Variants in SERPINA6 observed in about 807,000 individuals in gnomAD.
SERPINA6 encodes the protein corticosteroid-binding globulin.
SERPINA6 carries 19 observed loss-of-function variants against 26.4 expected under a neutral mutation model. That is an observed-to-expected ratio of 0.72 (90% confidence interval 0.50 to 1.06). The LOEUF is 1.06. Ranked by LOEUF, SERPINA6 falls within the 50% of genes least tolerant of loss-of-function variation. The pLI is 0.00. For missense variants in SERPINA6, 473 were observed against 504.0 expected (o/e 0.94, Z 0.59); for synonymous variants, 196 against 199.4 (o/e 0.98, Z 0.14).
At chr14:94,309,167 C>T (rs938567096) in intron 3 of SERPINA6, among the ~76,000 whole-genome samples, 4 of 152,228 alleles carry the variant, frequency 2.6e-5, no homozygotes, top group Admixed American at 2.6e-4. Context: ...ATATGCAGCC[C>T]TTGCTTTCTT....
At chr14:94,311,012 T>C (rs889869701) in intron 2 of SERPINA6, among the ~76,000 whole-genome samples, 8 of 152,244 alleles carry the variant, frequency 5.3e-5, no homozygotes, top group Admixed American at 3.3e-4. Flanking sequence ...GTGGGATCTA[T>C]GGATTGCTCA....
intron 3 of SERPINA6, among the ~76,000 whole-genome samples, chr14:94,306,764 C>G (rs75363461): frequency 3.9e-5 from 6 of 152,350 alleles, no homozygotes; most frequent in Non-Finnish European, 8.8e-5. Context: ...GAATCTGATT[C>G]AGCTGGCAGT....
chr14:94,305,949 T>C, intron 4 of SERPINA6, 122 bp downstream of exon 4: 1 of 1,095,644 alleles, frequency 9.1e-7, no homozygotes, highest in Non-Finnish European at 1.4e-6. Context: ...TGACTCAACC[T>C]GGGGTTCTCA....
At chr14:94,316,291 A>G (rs1338168486) in intron 1 of SERPINA6, among the ~76,000 whole-genome samples, 1 of 152,206 alleles carries the variant, frequency 6.6e-6, no homozygotes, top group Non-Finnish European at 1.5e-5. Flanking sequence ...CATAGGGTCT[A>G]TCTTGGAGAA....
intron 2 of SERPINA6, among the ~76,000 whole-genome samples, chr14:94,313,621 A>C (rs2139722116): frequency 6.6e-6 from 1 of 152,338 alleles, no homozygotes; most frequent in Middle Eastern, 3.4e-3. Flanking sequence ...AAACTGAAGC[A>C]GGACCTGGTC....
In SERPINA6 at chr14:94,306,210, T is replaced by G; in HGVS notation, c.893A>C (p.Asp298Ala). 1 of 1,614,126 alleles carries G rather than the reference T, an allele frequency of 6.2e-7. No individual in the cohort carries two copies. Reference sequence around the variant, plus strand: ...GATGGTGACCTTTGGAATGTACAGGTCCACCTGGCTGCTCGGGGTAAGCAG... The same window carrying G: ...GATGGTGACCTTTGGAATGTACAGGGCCACCTGGCTGCTCGGGGTAAGCAG... ...WSAGLTSSQVDLYIPKVTISG... is the reference protein window; with the variant it reads ...WSAGLTSSQVALYIPKVTISG... Residue 298 changes from aspartate (D) to alanine (A), a missense_variant, in exon 4 of 5, where the codon GAC becomes GCC. Transcript: ENST00000341584.
chr14:94,314,787 G>T (rs543766867), intron 1 of SERPINA6, 120 bp from the exon 2 acceptor site: 21 of 902,504 alleles, frequency 2.3e-5, no homozygotes, highest in Non-Finnish European at 3.7e-5. Context: ...CACACTGGCT[G>T]TGTGACCTGG....
At chr14:94,305,509 C>A (rs374746808) in intron 4 of SERPINA6, among the ~76,000 whole-genome samples, 9 of 152,164 alleles carry the variant, frequency 5.9e-5, no homozygotes, top group African/African-American at 2.2e-4. Context: ...GCACATATTA[C>A]GTGCCAGGTA....
At chr14:94,316,299 G>A (rs1175410398) in intron 1 of SERPINA6, among the ~76,000 whole-genome samples, 4 of 152,288 alleles carry the variant, frequency 2.6e-5, no homozygotes, top group South Asian at 2.1e-4. Flanking sequence ...CTATCTTGGA[G>A]AATGTCCTAT....
intron 1 of SERPINA6, among the ~76,000 whole-genome samples, chr14:94,321,985 T>C (rs749454780): frequency 1.4e-4 from 22 of 152,118 alleles, no homozygotes; most frequent in Non-Finnish European, 2.9e-4. Flanking sequence ...CACCCCACAA[T>C]ATTGTTGTGA....
chr14:94,322,457 C>A (rs529281797), intron 1 of SERPINA6, among the ~76,000 whole-genome samples: 16 of 152,272 alleles, frequency 1.1e-4, no homozygotes, highest in African/African-American at 3.9e-4. Flanking sequence ...TTGCAGTGAG[C>A]CGAGATCGCA....
At position 94,304,511 on chromosome 14, in the gene SERPINA6, G is replaced by A. The variant is rs368247859; in HGVS notation, c.1125C>T (p.Ile375=). Residue 375 remains isoleucine (I), a synonymous_variant, in exon 5 of 5, where the codon ATC becomes ATT. Transcript: ENST00000341584. ...GVTLNLTSKP[I]ILRFNQPFII... The stretch of plus-strand genomic sequence containing the variant: ...TGAAGGGCTGGTTGAAACGCAAGAT[G>A]ATAGGCTTGGACGTCAGGTTTAGGG... 1.9e-6 allele frequency: 3 copies of A among 1,614,062 alleles called. No individual in the cohort carries two copies. The highest frequency in any genetic ancestry group is 2.5e-6 in the Non-Finnish European group (3 of 1,180,022).
chr14:94,314,052 G>T lies in SERPINA6; in HGVS notation c.597C>A (p.Asn199Lys). ...LDSPAILVLV[N>K]YIFFKGTWTQ... ...TGGGAATACCTTTGAAGAAGATATA[G>T]TTGACCAGGACGAGGATGGCTGGGC... Residue 199 changes from asparagine to lysine, a missense_variant, in exon 2 of 5, where the codon AAC becomes AAA. Coordinates refer to ENST00000341584, the MANE Select transcript of SERPINA6 (RefSeq NM_001756.4). 6.2e-7 allele frequency: 1 copy of T among 1,614,186 alleles called. No homozygotes were observed. The highest frequency in any genetic ancestry group is 8.5e-7 in the Non-Finnish European group (1 of 1,180,034).
intron 2 of SERPINA6, among the ~76,000 whole-genome samples, chr14:94,311,306 C>A (rs1407986988): frequency 6.6e-6 from 1 of 152,166 alleles, no homozygotes; most frequent in African/African-American, 2.4e-5. Flanking sequence ...AACCAGAGGG[C>A]AGTTGTATTT....
intron 3 of SERPINA6, among the ~76,000 whole-genome samples, chr14:94,307,421 T>A (rs1895457171): frequency 6.6e-6 from 1 of 152,234 alleles, no homozygotes; most frequent in East Asian, 1.9e-4. Context: ...TGTTGACAGC[T>A]CTCTGAGAGC....
chr14:94,313,857 T>C (rs1452856383), intron 2 of SERPINA6, 179 bp downstream of exon 2: 4 of 819,800 alleles, frequency 4.9e-6, no homozygotes, highest in Non-Finnish European at 8.3e-6. Flanking sequence ...GTCATTTTGA[T>C]CTTTTGTAAA....
At chr14:94,309,181 A>C (rs747645966) in intron 3 of SERPINA6, among the ~76,000 whole-genome samples, 1 of 152,144 alleles carries the variant, frequency 6.6e-6, no homozygotes, top group Non-Finnish European at 1.5e-5. Flanking sequence ...CTTTCTTTCT[A>C]CTTACTCGCT....
intron 3 of SERPINA6, among the ~76,000 whole-genome samples, chr14:94,306,878 T>C (rs1034423457): frequency 6.6e-6 from 1 of 152,234 alleles, no homozygotes; most frequent in Middle Eastern, 3.2e-3. Flanking sequence ...CTTAGTGTTA[T>C]TTTTAAATTC....
chr14:94,319,202 C>G (rs889734056), intron 1 of SERPINA6, among the ~76,000 whole-genome samples: 1 of 152,206 alleles, frequency 6.6e-6, no homozygotes, highest in Non-Finnish European at 1.5e-5. Context: ...CCTGTAATCC[C>G]AGCTACTCTG....
Sources: allele counts gnomAD v4.1 joint callset (sites outside exome capture counted in the v4.1 genomes callset), GRCh38; gene constraint gnomAD v4.1.1; transcripts MANE v1.5; gene names NCBI Gene and HGNC (gene_info 2026-07-23, HGNC 2026-07-21).